CDHR3: variants seen among roughly 807,000 people sequenced by gnomAD.
The protein encoded by CDHR3 is cadherin related family member 3.
Under a neutral mutation model 86.6 loss-of-function variants are expected in CDHR3, and 79 were observed. The ratio of observed to expected loss-of-function variants is 0.91; its 90% CI spans 0.76 to 1.10. The LOEUF is 1.10. Among genes scored for constraint, CDHR3 ranks in the 50% least tolerant of loss-of-function variants. The pLI is 0.00. For missense variants in CDHR3, 1,081 were observed against 1,077.6 expected (o/e 1.00, Z -0.04); for synonymous variants, 421 against 402.4 (o/e 1.05, Z -0.55).
At position 106,030,576 on chromosome 7, in the gene CDHR3, A is replaced by G. The variant is rs1838179206; in HGVS notation, c.2305-216A>G. On this transcript the variant is annotated intron_variant, in intron 17 of 18. Coordinates refer to ENST00000317716, the MANE Select transcript of CDHR3 (RefSeq NM_152750.5). This position sits in a 1 kb window ranked among gnomAD's most constrained non-coding sequence, Gnocchi z 4.8. ...CCCCATCATAGCCTTATTACTCTGC[A>G]TTGCAGCACCTGTTTGTAATTGGCA... 6.6e-6 allele frequency among the ~76,000 whole-genome samples: 1 copy of G among 152,176 alleles called. No individual in the cohort carries two copies.
Position 106,022,279 on chromosome 7 carries a change from A to G in CDHR3, c.1907A>G (p.Tyr636Cys). The G allele has an allele frequency of 2.5e-6, 4 of 1,613,956 alleles. No homozygotes were observed. Among genetic ancestry groups the G allele is most frequent in the Middle Eastern group, 1.6e-4 (1 of 6,062 alleles). The change falls in exon 14 of 19, where the codon TAT becomes TGT. Residue 636 changes from tyrosine (Y) to cysteine (C), a missense_variant. By Grantham distance (194) the Tyr-to-Cys change is radical. Transcript: ENST00000317716. ...CTGCTGCTTACATCTCGCTTTGACT[A>G]TGCTGGTGGGTTTGATAAGATCTGG... ...TRLLLTSRFDYAGGFDKIWDY... is the reference protein window; with the variant it reads ...TRLLLTSRFDCAGGFDKIWDY...
chr7:106,032,702 G>T lies in CDHR3; in HGVS notation c.*5G>T, dbSNP rs766457925. 1 of 1,604,696 alleles carries T rather than the reference G, an allele frequency of 6.2e-7. No individual in the cohort carries two copies. The highest frequency in any genetic ancestry group is 8.5e-7 in the Non-Finnish European group (1 of 1,174,502). ...AAACCACACCCAGGAAAGTAAACGG[G>T]GTCTAAGGAGGGGCCTGTCAATCAC... On this transcript the variant is annotated 3_prime_UTR_variant, in exon 19 of 19. Transcript: ENST00000317716.
At chr7:106,028,932 C>CTTTCTTTCTTTCTTTCTTTCTTTCTTTT (rs1837839494) in intron 17 of CDHR3, among the ~76,000 whole-genome samples, 1 of 116,054 alleles carries the variant, frequency 8.6e-6, no homozygotes, top group Non-Finnish European at 1.8e-5. Flanking sequence ...TTCTTTCTTT[C>CTTTCTTTCTTTCTTTCTTTCTTTCTTTT]TTTCTTTCTT....
chr7:106,032,406 A>T lies in CDHR3; in HGVS notation c.2367A>T (p.Thr789=), dbSNP rs1385948579. 1 of 1,609,434 alleles carries T rather than the reference A, an allele frequency of 6.2e-7. No homozygotes were observed. Among genetic ancestry groups the T allele is most frequent in the African/African-American group, 1.3e-5 (1 of 74,814 alleles). The change falls in exon 19 of 19, where the codon ACA becomes ACT. Residue 789 remains threonine, a synonymous_variant. Coordinates refer to ENST00000317716, the MANE Select transcript of CDHR3 (RefSeq NM_152750.5). ...TTTTTTCACTAGTGACCGGGGAAAC[A>T]TATGAATTCAACTCAAAAACTGGAG... is the stretch of plus-strand genomic sequence containing the variant. The part of the protein sequence containing the change: ...GEAIDPVTGE[T]YEFNSKTGAR...
At chr7:105,999,876 A>G (rs1247005633) in intron 6 of CDHR3, among the ~76,000 whole-genome samples, 1 of 152,242 alleles carries the variant, frequency 6.6e-6, no homozygotes, top group African/African-American at 2.4e-5. Context: ...TTGGAGCAGT[A>G]GCTCATGGCT....
At chr7:105,988,881 T>G in intron 4 of CDHR3, among the ~76,000 whole-genome samples, 1 of 152,352 alleles carries the variant, frequency 6.6e-6, no homozygotes, top group Middle Eastern at 3.4e-3. Flanking sequence ...ATAGTCAACA[T>G]AAAATGATTA....
intron 2 of CDHR3, among the ~76,000 whole-genome samples, chr7:105,976,742 C>T (rs770797234): frequency 6.6e-6 from 1 of 152,168 alleles, no homozygotes; most frequent in African/African-American, 2.4e-5. Context: ...TTTCCCTTAG[C>T]ATAAGGTTCC....
chr7:106,011,837 T>C (rs1834855689), intron 8 of CDHR3, among the ~76,000 whole-genome samples: 1 of 152,194 alleles, frequency 6.6e-6, no homozygotes, highest in Admixed American at 6.5e-5. Flanking sequence ...CTCATTTGTG[T>C]TATTTGCCTA....
intron 8 of CDHR3, among the ~76,000 whole-genome samples, chr7:106,007,093 C>T (rs925228098): frequency 2.6e-5 from 4 of 152,192 alleles, no homozygotes; most frequent in South Asian, 2.1e-4. Context: ...AGCAATAGCC[C>T]GAGCTGTACC....
intron 8 of CDHR3, chr7:106,004,936 A>G: frequency 2.0e-6 from 1 of 511,058 alleles, no homozygotes; most frequent in Non-Finnish European, 3.4e-6. Flanking sequence ...ATTATTTTTT[A>G]TTTTGCTCCC....
chr7:106,011,504 T>C (rs1834801681), intron 8 of CDHR3, among the ~76,000 whole-genome samples: 2 of 152,094 alleles, frequency 1.3e-5, no homozygotes, highest in African/African-American at 2.4e-5. Context: ...CATCCTAGAC[T>C]GTCCAGCCCC....
intron 16 of CDHR3, among the ~76,000 whole-genome samples, chr7:106,027,026 A>T (rs2115907828): frequency 6.6e-6 from 1 of 152,360 alleles, no homozygotes; most frequent in Middle Eastern, 3.4e-3. Flanking sequence ...AAATGTAGAC[A>T]GGACCTGCTT....
Position 106,032,556 on chromosome 7 carries a change from A to C in CDHR3, c.2517A>C (p.Glu839Asp). The stretch of plus-strand genomic sequence containing the variant: ...GGTCACTGAGAAGTGCCAACTGGGA[A>C]GAAGATGAGCTGAGTGGCAAAGCGT... ...GMGSLRSANW[E>D]EDELSGKAWA... Residue 839 changes from glutamate to aspartate, a missense_variant, in exon 19 of 19, where the codon GAA becomes GAC. Transcript: ENST00000317716. The C allele has an allele frequency of 6.2e-7, 1 of 1,614,028 alleles. No homozygotes were observed. The highest frequency in any genetic ancestry group is 8.5e-7 in the Non-Finnish European group (1 of 1,179,898).
chr7:105,973,976 G>A (rs1177165725), intron 1 of CDHR3, among the ~76,000 whole-genome samples: 1 of 151,996 alleles, frequency 6.6e-6, no homozygotes, highest in African/African-American at 2.4e-5. Context: ...AACAAATAAG[G>A]TCATTCTGCA....
At position 106,030,627 on chromosome 7, in the gene CDHR3, C is replaced by T. The variant is rs958336349; in HGVS notation, c.2305-165C>T. Among the ~76,000 whole-genome samples, 8 of 152,352 alleles carry T rather than the reference C, an allele frequency of 5.3e-5. No individual in the cohort carries two copies. The highest frequency in any genetic ancestry group is 3.4e-3 in the Middle Eastern group (1 of 294). ...AGCTTTGTACAGGCAGTGACTATGC[C>T]TGCCTTGTTCATCACTGTGTCCCCT... On this transcript the variant is annotated intron_variant, in intron 17 of 18. Transcript: ENST00000317716. This position sits in a 1 kb window ranked among gnomAD's most constrained non-coding sequence, Gnocchi z 4.8.
intron 4 of CDHR3, among the ~76,000 whole-genome samples, chr7:105,989,645 G>C (rs1284904354): frequency 6.6e-6 from 1 of 152,062 alleles, no homozygotes; most frequent in East Asian, 1.9e-4. Flanking sequence ...GTATAAAGTG[G>C]TCATCATATG....
At chr7:105,998,734 A>T (rs960514242) in intron 6 of CDHR3, among the ~76,000 whole-genome samples, 5 of 152,082 alleles carry the variant, frequency 3.3e-5, no homozygotes, top group African/African-American at 1.2e-4. Flanking sequence ...CAGTGAGCTG[A>T]GATCATGCCA....
intron 6 of CDHR3, among the ~76,000 whole-genome samples, chr7:105,998,828 A>G (rs932125763): frequency 2.0e-5 from 3 of 152,014 alleles, no homozygotes; most frequent in African/African-American, 7.2e-5. Flanking sequence ...AGCACCTGAC[A>G]TATTTACTGT....
intron 4 of CDHR3, among the ~76,000 whole-genome samples, chr7:105,987,530 C>T (rs976789089): frequency 6.6e-6 from 1 of 152,140 alleles, no homozygotes; most frequent in Non-Finnish European, 1.5e-5. Context: ...TCGTTAGGTT[C>T]GTAAAAGTAG....
Sources: allele counts gnomAD v4.1 joint callset (sites outside exome capture counted in the v4.1 genomes callset), GRCh38; gene constraint gnomAD v4.1.1; non-coding constraint Gnocchi (gnomAD v3.1); transcripts MANE v1.5; gene names NCBI Gene and HGNC (gene_info 2026-07-23, HGNC 2026-07-21).